RPS6KA5: variants seen among roughly 807,000 people sequenced by gnomAD.
RPS6KA5 encodes ribosomal protein S6 kinase A5.
RPS6KA5 carries 27 observed loss-of-function variants against 85.5 expected under a neutral mutation model. That is an observed-to-expected ratio of 0.32 (90% CI 0.23 to 0.44). The LOEUF is 0.44. Ranked by LOEUF, RPS6KA5 falls within the 20% of genes least tolerant of loss-of-function variation. The probability of loss-of-function intolerance (pLI) is 1.00; values close to 1 mark genes in which losing one functional copy is unlikely to be tolerated. For missense variants in RPS6KA5, 811 were observed against 980.9 expected (o/e 0.83, Z 2.31); for synonymous variants, 334 against 348.2 (o/e 0.96, Z 0.46).
chr14:90,891,528 C>T (rs1241082935), intron 13 of RPS6KA5, among the ~76,000 whole-genome samples: 4 of 151,922 alleles, frequency 2.6e-5, no homozygotes, highest in Non-Finnish European at 5.9e-5. Flanking sequence ...CTGATTATAT[C>T]GTCTTTAGGC....
chr14:91,018,712 A>G (rs1202311114), intron 1 of RPS6KA5, among the ~76,000 whole-genome samples: 2 of 152,134 alleles, frequency 1.3e-5, no homozygotes, highest in Admixed American at 6.5e-5. Flanking sequence ...AAGGCTGCAC[A>G]GTCAGCTTCC....
intron 1 of RPS6KA5, among the ~76,000 whole-genome samples, chr14:91,020,723 A>AC (rs1373633247): frequency 6.6e-6 from 1 of 151,338 alleles, no homozygotes; most frequent in Non-Finnish European, 1.5e-5. Flanking sequence ...TTATTACAGC[A>AC]CTTTTTCCTT....
Position 90,996,564 on chromosome 14 carries a change from G to A in RPS6KA5, c.175+4524C>T, listed in dbSNP as rs1168634755. On this transcript the variant is annotated intron_variant, in intron 2 of 16. Transcript: ENST00000614987. ...AATAAAACATCATCTCAGAGATAAC[G>A]TTTTCTTTTAAAAACAGCTATAAAT... Among the ~76,000 whole-genome samples the A allele has an allele frequency of 2.0e-5, 3 of 151,836 alleles. No homozygotes were observed. In the South Asian group the frequency reaches 6.2e-4, roughly 32 times the overall value.
At chr14:90,922,316 C>T (rs1444509304) in intron 6 of RPS6KA5, among the ~76,000 whole-genome samples, 1 of 151,562 alleles carries the variant, frequency 6.6e-6, no homozygotes, top group Non-Finnish European at 1.5e-5. Flanking sequence ...ATTAAAAATG[C>T]CAATAAATAC....
At chr14:90,947,368 T>C in intron 4 of RPS6KA5, 67 bp downstream of exon 4, 1 of 845,682 alleles carries the variant, frequency 1.2e-6, no homozygotes, top group Non-Finnish European at 2.0e-6. Flanking sequence ...ACATTAGCTC[T>C]TCCAGCTCCA....
chr14:90,911,983 G>C (rs1305866764), intron 7 of RPS6KA5, among the ~76,000 whole-genome samples: 2 of 152,050 alleles, frequency 1.3e-5, no homozygotes, highest in Non-Finnish European at 2.9e-5. Context: ...ATGTGCCACT[G>C]GGGGTACTTC....
At chr14:90,938,480 C>G (rs2037397926) in intron 5 of RPS6KA5, among the ~76,000 whole-genome samples, 1 of 152,216 alleles carries the variant, frequency 6.6e-6, no homozygotes, top group South Asian at 2.1e-4. Context: ...TGTAGGGGAT[C>G]CGACGTCACA....
intron 5 of RPS6KA5, among the ~76,000 whole-genome samples, chr14:90,935,188 G>A (rs914598106): frequency 6.6e-6 from 1 of 152,092 alleles, no homozygotes; most frequent in Admixed American, 6.5e-5. Context: ...TATGGAGCCC[G>A]ACCCTTACCT....
intron 2 of RPS6KA5, among the ~76,000 whole-genome samples, chr14:90,982,015 GAGAA>G (rs1268076205): frequency 6.6e-6 from 1 of 152,236 alleles, no homozygotes; most frequent in Non-Finnish European, 1.5e-5. Flanking sequence ...GCTCAGAGCA[GAGAA>G]AGAAAGTAAA....
rs2032578738 is a variant in RPS6KA5, at chr14:90,861,981, A to G, written c.*10093T>C. On this transcript the variant is annotated 3_prime_UTR_variant, in exon 17 of 17. Coordinates refer to ENST00000614987, the MANE Select transcript of RPS6KA5 (RefSeq NM_004755.4). The stretch of plus-strand genomic sequence containing the variant: ...AAGTGGTAATGTACCAATTTAAGGC[A>G]GCAAGTCAAAGATACAAGCTGTAAT... 1.3e-5 allele frequency: 2 copies of G among 152,182 alleles called. No individual in the cohort carries two copies. The highest frequency in any genetic ancestry group is 2.1e-4 in the South Asian group (1 of 4,834). 9.4% of individuals were successfully genotyped at this position (152,182 alleles called of 1,614,324 possible).
chr14:91,048,062 GACA>G (rs1159007077), intron 1 of RPS6KA5, among the ~76,000 whole-genome samples: 4 of 152,172 alleles, frequency 2.6e-5, no homozygotes, highest in Non-Finnish European at 5.9e-5. Context: ...TGCCATGTAA[GACA>G]ACATGTTTGC....
rs144305481 is a variant in RPS6KA5, at chr14:90,859,263, C to T, written c.*12811G>A. The T allele has an allele frequency of 4.7e-4, 72 of 152,284 alleles. No homozygotes were observed. The highest frequency in any genetic ancestry group is 1.7e-3 in the African/African-American group (71 of 41,544). 9.4% of individuals were successfully genotyped at this position (152,284 alleles called of 1,614,324 possible). On this transcript the variant is annotated 3_prime_UTR_variant, in exon 17 of 17. Transcript: ENST00000614987. The stretch of plus-strand genomic sequence containing the variant: ...GACTGCAAGAAGAAAACATAACCAT[C>T]TTAGAGGAAGATAACATCGTTCAAA...
chr14:90,889,294 CAAAAAAAAAAAAA>C (rs11450327), intron 14 of RPS6KA5, among the ~76,000 whole-genome samples: 2 of 71,240 alleles, frequency 2.8e-5, no homozygotes, highest in African/African-American at 5.4e-5. Context: ...ACTTTGTCTC[CAAAAAAAAAAAAA>C]AAAAAAAAAA....
chr14:91,052,852 A>G (rs1285993), intron 1 of RPS6KA5, among the ~76,000 whole-genome samples: 101,127 of 144,372 alleles, frequency 0.7, 35,762 homozygotes, highest in East Asian at 0.87. Flanking sequence ...AAAAAAAAAA[A>G]AAGCTCTTTA....
intron 7 of RPS6KA5, among the ~76,000 whole-genome samples, chr14:90,908,656 A>T (rs555284357): frequency 2.0e-5 from 3 of 152,328 alleles, no homozygotes; most frequent in South Asian, 4.1e-4. Flanking sequence ...GGCCTATAGC[A>T]GGTTACATCT....
At position 91,001,062 on chromosome 14, in the gene RPS6KA5, T is replaced by G. The variant is rs555402691; in HGVS notation, c.175+26A>C. Reference sequence around the variant, plus strand: ...GAATAATAAGTACTTTTTTTTTTCCTTAAATATAATTAACTTAAGACTTAC... The same window carrying G: ...GAATAATAAGTACTTTTTTTTTTCCGTAAATATAATTAACTTAAGACTTAC... On this transcript the variant is annotated intron_variant, in intron 2 of 16. Transcript: ENST00000614987. The G allele has an allele frequency of 1.1e-5, 15 of 1,333,802 alleles. No individual in the cohort carries two copies. In the African/African-American group the frequency reaches 1.8e-4, roughly 16 times the overall value. 82.6% of individuals were successfully genotyped at this position (1,333,802 alleles called of 1,614,324 possible). A position where few individuals can be genotyped will look rare whatever the true frequency, so the allele number is the denominator to read the frequency against.
At chr14:90,935,883 G>A (rs565640938) in intron 5 of RPS6KA5, among the ~76,000 whole-genome samples, 4 of 152,258 alleles carry the variant, frequency 2.6e-5, no homozygotes, top group Non-Finnish European at 4.4e-5. Context: ...GCATAAACAC[G>A]TGTCCTTTTT....
At chr14:90,875,493 G>A (rs919930932) in intron 14 of RPS6KA5, 133 bp from the exon 15 acceptor site, 9 of 780,250 alleles carry the variant, frequency 1.2e-5, no homozygotes, top group African/African-American at 5.2e-5. Flanking sequence ...AAAAGATTAC[G>A]TGATTCCTCA....
chr14:91,031,948 A>G (rs1366141926), intron 1 of RPS6KA5, among the ~76,000 whole-genome samples: 1 of 148,194 alleles, frequency 6.7e-6, no homozygotes, highest in African/African-American at 2.4e-5. Flanking sequence ...CTCTTGTACT[A>G]TTTGACTAAG....
Sources: allele counts gnomAD v4.1 joint callset (sites outside exome capture counted in the v4.1 genomes callset), GRCh38; gene constraint gnomAD v4.1.1; transcripts MANE v1.5; gene names NCBI Gene and HGNC (gene_info 2026-07-23, HGNC 2026-07-21).